The following UBE2H variants were observed in gnomAD, a reference collection of about 807,000 sequenced individuals.
UBE2H encodes ubiquitin-conjugating enzyme E2 H.
A neutral mutation model predicts 29.0 loss-of-function variants in UBE2H; 3 were observed. The observed-to-expected ratio is 0.10, with a 90% confidence interval of 0.05 to 0.27. UBE2H has a LOEUF of 0.27. UBE2H is among the 10% of genes least tolerant of loss of function. UBE2H has a pLI of 1.00. For synonymous variants in UBE2H, 69 were observed against 82.9 expected (o/e 0.83, Z 0.91); for missense variants, 68 against 228.2 (o/e 0.30, Z 4.52).
At chr7:129,888,044 G>A (rs1039931065) in intron 1 of UBE2H, among the ~76,000 whole-genome samples, 1 of 152,196 alleles carries the variant, frequency 6.6e-6, no homozygotes, top group Non-Finnish European at 1.5e-5. Flanking sequence ...GCATGTGTCT[G>A]TATATCCATG....
intron 1 of UBE2H, among the ~76,000 whole-genome samples, chr7:129,934,282 A>G (rs1807469994): frequency 6.6e-6 from 1 of 151,814 alleles, no homozygotes; most frequent in Admixed American, 6.6e-5. Flanking sequence ...AGAAAGCACC[A>G]CTGCACTCCA....
chr7:129,947,963 G>C (rs1406298297), intron 1 of UBE2H, among the ~76,000 whole-genome samples: 1 of 151,798 alleles, frequency 6.6e-6, no homozygotes, highest in Non-Finnish European at 1.5e-5. Flanking sequence ...AGCTATTCTC[G>C]TGACTCAGCC....
chr7:129,844,212 T>C (rs1052643356), intron 5 of UBE2H, among the ~76,000 whole-genome samples: 3 of 152,192 alleles, frequency 2.0e-5, no homozygotes, highest in African/African-American at 7.2e-5. Context: ...GGCCCAGTTT[T>C]GGGTGAAGAT....
intron 1 of UBE2H, among the ~76,000 whole-genome samples, chr7:129,881,835 C>T (rs935055841): frequency 3.9e-5 from 6 of 152,024 alleles, no homozygotes; most frequent in Admixed American, 3.9e-4. Flanking sequence ...GCTCCTAAAA[C>T]GAGGGATTTA....
chr7:129,840,749 G>C (rs1052662080), intron 5 of UBE2H, among the ~76,000 whole-genome samples: 31 of 152,182 alleles, frequency 2.0e-4, no homozygotes, highest in South Asian at 1.0e-3. Flanking sequence ...AAACATTCCT[G>C]TTTCTGGAGA....
rs1451075378 is a variant in UBE2H, at chr7:129,896,965, C to T, written c.54-15994G>A. On this transcript the variant is annotated intron_variant, in intron 1 of 6. Transcript: ENST00000355621. ...AATTAATAAATACCAAGCTGCGGTA[C>T]CCATTCAGCAGATAAAGATGATCAA... 5.9e-5 allele frequency among the ~76,000 whole-genome samples: 9 copies of T among 152,108 alleles called. No individual in the cohort carries two copies. The South Asian group carries it at 1.9e-3, about 31-fold the overall frequency.
chr7:129,911,780 C>T (rs1049201380), intron 1 of UBE2H, among the ~76,000 whole-genome samples: 1 of 152,082 alleles, frequency 6.6e-6, no homozygotes, highest in Non-Finnish European at 1.5e-5. Context: ...TATGGGACTA[C>T]AGGTGTGTGC....
At chr7:129,894,049 G>C (rs1031438715) in intron 1 of UBE2H, among the ~76,000 whole-genome samples, 2 of 152,218 alleles carry the variant, frequency 1.3e-5, no homozygotes, top group African/African-American at 4.8e-5. Flanking sequence ...CAGCTACTTG[G>C]GAGGCTGAGG....
chr7:129,916,454 CA>C (rs1489467174), intron 1 of UBE2H, among the ~76,000 whole-genome samples: 2 of 139,142 alleles, frequency 1.4e-5, no homozygotes, highest in African/African-American at 5.4e-5. Flanking sequence ...AGCCATTTAT[CA>C]CACTCAAGTT....
At chr7:129,878,056 A>G (rs1157678604) in intron 3 of UBE2H, among the ~76,000 whole-genome samples, 3 of 152,206 alleles carry the variant, frequency 2.0e-5, no homozygotes, top group African/African-American at 7.2e-5. Context: ...TAACCAACAT[A>G]AGAGTTTTAA....
At chr7:129,879,507 T>C in intron 3 of UBE2H, 61 bp downstream of exon 3, 1 of 1,493,316 alleles carries the variant, frequency 6.7e-7, no homozygotes, top group Non-Finnish European at 9.3e-7. Context: ...CCCTGAAATG[T>C]AAGATTTTTC....
chr7:129,837,584 G>C (rs924514904), intron 6 of UBE2H, among the ~76,000 whole-genome samples: 1 of 151,806 alleles, frequency 6.6e-6, no homozygotes, highest in East Asian at 1.9e-4. Flanking sequence ...GACCTCTGAT[G>C]GGGTGGAGGA....
At chr7:129,919,100 T>TAAAAAAAAAA in intron 1 of UBE2H, among the ~76,000 whole-genome samples, 1 of 72,126 alleles carries the variant, frequency 1.4e-5, no homozygotes, top group Non-Finnish European at 2.5e-5. Context: ...AAAAACAAAG[T>TAAAAAAAAAA]AAAAAAAAAA....
At chr7:129,847,331 C>T (rs1563020742) in intron 5 of UBE2H, among the ~76,000 whole-genome samples, 1 of 152,086 alleles carries the variant, frequency 6.6e-6, no homozygotes, top group South Asian at 2.1e-4. Context: ...TGAGCCACCG[C>T]GCCTGGCCAT....
intron 3 of UBE2H, among the ~76,000 whole-genome samples, chr7:129,876,712 T>C (rs1300698052): frequency 6.6e-6 from 1 of 152,022 alleles, no homozygotes; most frequent in Admixed American, 6.6e-5. Context: ...AGAAGTAAAA[T>C]TCCAAAAAAA....
chr7:129,937,120 G>A (rs980525305), intron 1 of UBE2H, among the ~76,000 whole-genome samples: 2 of 151,992 alleles, frequency 1.3e-5, no homozygotes, highest in African/African-American at 4.8e-5. Flanking sequence ...ACGAGGTCAG[G>A]AGATCGAGAC....
chr7:129,850,154 C>T (rs1805583924), intron 5 of UBE2H, among the ~76,000 whole-genome samples: 1 of 152,014 alleles, frequency 6.6e-6, no homozygotes, highest in South Asian at 2.1e-4. Flanking sequence ...ATCACTTGAG[C>T]CCAGGGGTTC....
At chr7:129,843,549 C>G (rs1034185834) in intron 5 of UBE2H, among the ~76,000 whole-genome samples, 3 of 152,176 alleles carry the variant, frequency 2.0e-5, no homozygotes, top group Non-Finnish European at 2.9e-5. Flanking sequence ...GCAAATTTCA[C>G]GAAGGCACAA....
chr7:129,926,448 G>A (rs1187927266), intron 1 of UBE2H, among the ~76,000 whole-genome samples: 3 of 151,184 alleles, frequency 2.0e-5, no homozygotes, highest in Admixed American at 2.0e-4. Context: ...GGCAGAGGCT[G>A]CAGTGAGCTG....
Sources: gnomAD v4.1 joint callset for allele counts (sites outside exome capture counted in the v4.1 genomes callset) on GRCh38, gnomAD v4.1.1 for gene constraint, MANE v1.5 for transcripts, NCBI Gene and HGNC (gene_info 2026-07-23, HGNC 2026-07-21) for gene names.